CEP164: variants seen among roughly 807,000 people sequenced by gnomAD.
The protein encoded by CEP164 is centrosomal protein of 164 kDa.
Under a neutral mutation model 182.7 loss-of-function variants are expected in CEP164, and 162 were observed. That is an observed-to-expected ratio of 0.89 (90% CI 0.78 to 1.01). The LOEUF is 1.01. Among genes scored for constraint, CEP164 ranks in the 50% least tolerant of loss-of-function variants. CEP164 has a pLI of 0.00. For missense variants in CEP164, 1,735 were observed against 1,790.4 expected, an observed-to-expected ratio of 0.97 and a Z score of 0.56; for synonymous variants, 661 against 690.0, an observed-to-expected ratio of 0.96 and a Z score of 0.66.
chr11:117,359,598 C>T (rs1565479057), intron 5 of CEP164: 3 of 985,398 alleles, frequency 3.0e-6, no homozygotes, highest in Middle Eastern at 5.2e-4. Flanking sequence ...GCCTGACCGC[C>T]TCTGGGTTTC....
chr11:117,339,809 C>T (rs1479674403), intron 3 of CEP164, among the ~76,000 whole-genome samples: 6 of 151,774 alleles, frequency 4.0e-5, no homozygotes, highest in South Asian at 2.1e-4. Context: ...GGATTACAGG[C>T]GGGAGACACC....
chr11:117,338,526 C>A, intron 2 of CEP164, 40 bp from the exon 3 acceptor site: 1 of 1,440,274 alleles, frequency 6.9e-7, no homozygotes, highest in Non-Finnish European at 9.8e-7. Context: ...TAAGCTTGGT[C>A]ACTGATTTTT....
chr11:117,353,046 G>A (rs2039852672), intron 5 of CEP164, among the ~76,000 whole-genome samples: 1 of 152,166 alleles, frequency 6.6e-6, no homozygotes, highest in African/African-American at 2.4e-5. Context: ...ACCAAAGTGA[G>A]GCCCAGGCTC....
intron 5 of CEP164, among the ~76,000 whole-genome samples, chr11:117,353,629 G>T (rs1286663940): frequency 6.6e-6 from 1 of 152,122 alleles, no homozygotes; most frequent in Admixed American, 6.6e-5. Context: ...GAAGAAAATG[G>T]GACAGCCCTG....
At chr11:117,356,596 C>G (rs1320486801) in intron 5 of CEP164, 1 of 1,286,494 alleles carries the variant, frequency 7.8e-7, no homozygotes, top group Admixed American at 2.3e-5. Flanking sequence ...CAGAGCCAGG[C>G]AAGATGCAGC....
chr11:117,375,233 G>T (rs1169472445), intron 10 of CEP164, among the ~76,000 whole-genome samples: 2 of 152,174 alleles, frequency 1.3e-5, no homozygotes, highest in Non-Finnish European at 2.9e-5. Context: ...ATCCTTCGCA[G>T]CATGTGTCAT....
Position 117,411,717 on chromosome 11 carries a change from A to C in CEP164, c.4164-78A>C, listed in dbSNP as rs1175922253. 1 of 1,583,292 alleles carries C rather than the reference A, an allele frequency of 6.3e-7. No homozygotes were observed. The highest frequency in any genetic ancestry group is 1.3e-5 in the African/African-American group (1 of 74,350). ...GAGAGAAAGAGGGAGGAGGTGACAG[A>C]TGTGATGGCCTCTGTGCATCCTCTG... On this transcript the variant is annotated intron_variant, in intron 31 of 32. Coordinates refer to ENST00000278935, the MANE Select transcript of CEP164 (RefSeq NM_014956.5). The surrounding 1 kb of genome is among the most constrained non-coding windows in gnomAD (Gnocchi z 4.4).
Position 117,351,924 on chromosome 11 carries a change from A to G in CEP164, c.329A>G (p.Lys110Arg), listed in dbSNP as rs1452076815. Residue 110 changes from lysine (K) to arginine (R), a missense_variant, in exon 5 of 33, where the codon AAG (lysine) becomes AGG (arginine). Physicochemically the swap from Lys to Arg is conservative, Grantham distance 26. Transcript: ENST00000278935. ...RAKLSTSGAI[K>R]KKKKKKEKKD... is the part of the protein sequence containing the mutation. ...AAGCTGTCAACTTCTGGGGCCATTA[A>G]GAAGAAGAAAAAAAAAAAGGAAAAG... The G allele has an allele frequency of 1.1e-5, 18 of 1,612,972 alleles. No individual in the cohort carries two copies. Among genetic ancestry groups the G allele is most frequent in the Non-Finnish European group, 1.5e-5 (18 of 1,179,660 alleles).
At chr11:117,402,498 CCTGAGCCACCACA>C (rs1166444704) in intron 27 of CEP164, among the ~76,000 whole-genome samples, 5 of 152,098 alleles carry the variant, frequency 3.3e-5, no homozygotes, top group Admixed American at 6.6e-5. Flanking sequence ...GGATTACAGC[CCTGAGCCACCACA>C]CCCAGCCTTG....
At position 117,390,171 on chromosome 11, in the gene CEP164, G is replaced by C. The variant is rs538070602; in HGVS notation, c.1935-606G>C. Among the ~76,000 whole-genome samples the C allele has an allele frequency of 2.0e-5, 3 of 151,696 alleles. No homozygotes were observed. In the East Asian group the frequency reaches 5.9e-4, roughly 30 times the overall value. On this transcript the variant is annotated intron_variant, in intron 15 of 32. Coordinates refer to ENST00000278935, the MANE Select transcript of CEP164 (RefSeq NM_014956.5). ...ATGGCCAGGCTGGTCTCGAACTCCT[G>C]ACCTCAAGTGATCCACCTACCTCGG...
rs1167064518 is a variant in CEP164, at chr11:117,409,309, G to A, written c.3748+281G>A. The A allele has an allele frequency of 3.5e-6, 2 of 577,124 alleles. No individual in the cohort carries two copies. The highest frequency in any genetic ancestry group is 3.7e-5 in the African/African-American group (2 of 53,624). The allele number at this position is 577,124 out of a possible 1,614,324, so 35.8% of individuals were successfully genotyped here. ...TTCTCTTCCAGGGCCTCCTTGAGGA[G>A]GCTTTTCTCTCTCAGCTGCCCTGGC... On this transcript the variant is annotated intron_variant, in intron 29 of 32. Transcript: ENST00000278935. This position sits in a 1 kb window ranked among gnomAD's most constrained non-coding sequence, Gnocchi z 4.4.
Position 117,382,652 on chromosome 11 carries a change from AG to A in CEP164, c.1578-141del, listed in dbSNP as rs1407783667. 3.6e-6 allele frequency: 3 copies of A among 843,014 alleles called. No homozygotes were observed. The African/African-American group carries it at 5.1e-5, about 14-fold the overall frequency. The allele number at this position is 843,014 out of a possible 1,614,324, so 52.2% of individuals were successfully genotyped here. ...ATTCAGGGAGAGGAAGGGCGGGGAG[AG>A]GGAGGTCTAAGACCCGAGGTAGGGA... On this transcript the variant is annotated intron_variant, in intron 13 of 32. Coordinates refer to ENST00000278935, the MANE Select transcript of CEP164 (RefSeq NM_014956.5).
rs1316109508 is a variant in CEP164 at position 117,371,167 on chromosome 11, T to C, written c.853T>C (p.Ser285Pro). 1 of 1,614,136 alleles carries C rather than the reference T, an allele frequency of 6.2e-7. No homozygotes were observed. Among genetic ancestry groups the C allele is most frequent in the East Asian group, 2.2e-5 (1 of 44,884 alleles). ...CGGTCCCCCTACTCCCTGCAAGCCC[T>C]CCAGCCCAGGTGCAGACAGCAGTCT... ...AAGPPTPCKP[S>P]SPGADSSLSS... Residue 285 changes from serine (S) to proline (P), a missense_variant, in exon 9 of 33, where the codon TCC becomes CCC. By Grantham distance (74) the Ser-to-Pro change is moderately conservative. Coordinates refer to ENST00000278935, the MANE Select transcript of CEP164 (RefSeq NM_014956.5).
At chr11:117,334,256 A>G (rs1216243708) in intron 1 of CEP164, among the ~76,000 whole-genome samples, 1 of 152,212 alleles carries the variant, frequency 6.6e-6, no homozygotes, top group Non-Finnish European at 1.5e-5. Flanking sequence ...TTTAGTAGCC[A>G]TCCTGCTACT....
intron 3 of CEP164, 103 bp from the exon 4 acceptor site, chr11:117,344,063 G>T: frequency 1.5e-6 from 1 of 649,078 alleles, no homozygotes; most frequent in Non-Finnish European, 2.7e-6. Flanking sequence ...TAAAGAATAC[G>T]ATTTTCTCAT....
chr11:117,336,409 C>T, intron 2 of CEP164: 4 of 1,397,164 alleles, frequency 2.9e-6, no homozygotes, highest in Non-Finnish European at 4.1e-6. Context: ...AAGGTGGGGA[C>T]CCGAGGATTG....
At chr11:117,368,558 G>T (rs557875968) in intron 8 of CEP164, among the ~76,000 whole-genome samples, 5 of 152,234 alleles carry the variant, frequency 3.3e-5, no homozygotes, top group Admixed American at 6.5e-5. Context: ...ACTTCAAGCC[G>T]GGGGGAGCCT....
intron 27 of CEP164, among the ~76,000 whole-genome samples, chr11:117,404,066 A>G (rs928691307): frequency 1.3e-5 from 2 of 151,996 alleles, no homozygotes; most frequent in Non-Finnish European, 2.9e-5. Context: ...CCTTTTTACA[A>G]GATTCTTAGC....
chr11:117,392,250 C>T lies in CEP164; in HGVS notation c.2308C>T (p.His770Tyr). The T allele has an allele frequency of 1.2e-6, 2 of 1,610,398 alleles. No homozygotes were observed. Among genetic ancestry groups the T allele is most frequent in the Non-Finnish European group, 1.7e-6 (2 of 1,178,368 alleles). The part of the protein sequence containing the change: ...KEAVATLEKE[H>Y]SAELERLCSS... ...GGCTGTGGCAACGCTGGAGAAGGAG[C>T]ACAGTGCTGAGCTGGAGCGGCTCTG... The change falls in exon 18 of 33, where the codon CAC becomes TAC. Residue 770 changes from histidine to tyrosine, a missense_variant. His to Tyr is a moderately conservative substitution (Grantham distance 83). Transcript: ENST00000278935.
Sources: allele counts gnomAD v4.1 joint callset (sites outside exome capture counted in the v4.1 genomes callset), GRCh38; gene constraint gnomAD v4.1.1; non-coding constraint Gnocchi (gnomAD v3.1); transcripts MANE v1.5; gene names NCBI Gene and HGNC (gene_info 2026-07-23, HGNC 2026-07-21).